Variants in RMND5A observed in about 807,000 individuals in gnomAD.
RMND5A encodes required for meiotic nuclear division 5 homolog A.
RMND5A carries 17 observed loss-of-function variants against 49.7 expected under a neutral mutation model. The ratio of observed to expected loss-of-function variants is 0.34; its 90% confidence interval spans 0.23 to 0.51. The LOEUF (loss-of-function observed/expected upper bound fraction) is 0.51. RMND5A is among the 20% of genes least tolerant of loss of function. RMND5A has a pLI of 0.96. For missense variants in RMND5A, 255 were observed against 471.3 expected (o/e 0.54, Z 4.25); for synonymous variants, 156 against 167.7 (o/e 0.93, Z 0.54).
intron 2 of RMND5A, among the ~76,000 whole-genome samples, chr2:86,751,457 C>T (rs1308467389): frequency 1.3e-5 from 2 of 152,186 alleles, no homozygotes; most frequent in East Asian, 3.8e-4. Flanking sequence ...CCCACAACCA[C>T]TTTCAGCCTC....
intron 4 of RMND5A, among the ~76,000 whole-genome samples, chr2:86,762,767 A>G (rs1672525664): frequency 6.7e-6 from 1 of 148,456 alleles, no homozygotes; most frequent in African/African-American, 2.5e-5. Flanking sequence ...CAAGCTGAGC[A>G]CAATTGCTCA....
chr2:86,762,680 CAT>C (rs1208059599), intron 4 of RMND5A, among the ~76,000 whole-genome samples: 4 of 96,672 alleles, frequency 4.1e-5, no homozygotes, highest in Non-Finnish European at 5.9e-5. Flanking sequence ...ATATATATAT[CAT>C]ATATATATCA....
At chr2:86,732,410 TTTGTCTAGA>T (rs1681347179) in intron 1 of RMND5A, among the ~76,000 whole-genome samples, 1 of 148,950 alleles carries the variant, frequency 6.7e-6, no homozygotes, top group Non-Finnish European at 1.5e-5. Context: ...TAATGATATA[TTTGTCTAGA>T]TTGTATTAAG....
chr2:86,777,717 A>G lies in RMND5A; in HGVS notation c.*4306A>G, dbSNP rs1672792863. Reference sequence around the variant, plus strand: ...GGAAAATTTTGATCAATTTTTTAAGAAATGTATCCTGTTTGCAAAGGCACA... The same window carrying G: ...GGAAAATTTTGATCAATTTTTTAAGGAATGTATCCTGTTTGCAAAGGCACA... On this transcript the variant is annotated 3_prime_UTR_variant, in exon 9 of 9. Transcript: ENST00000283632. 6.6e-6 allele frequency: 1 copy of G among 152,226 alleles called. No individual in the cohort carries two copies. Among genetic ancestry groups the G allele is most frequent in the South Asian group, 2.1e-4 (1 of 4,832 alleles). 9.4% of individuals were successfully genotyped at this position (152,226 alleles called of 1,614,324 possible).
At chr2:86,747,141 A>G (rs1012650878) in intron 2 of RMND5A, among the ~76,000 whole-genome samples, 3 of 152,190 alleles carry the variant, frequency 2.0e-5, no homozygotes, top group African/African-American at 4.8e-5. Context: ...CCAAACACCT[A>G]TAACACTTCC....
intron 2 of RMND5A, among the ~76,000 whole-genome samples, chr2:86,743,540 C>T (rs1681486619): frequency 6.6e-6 from 1 of 152,008 alleles, no homozygotes; most frequent in Admixed American, 6.5e-5. Context: ...TCTCAGCTCA[C>T]TGCAAACTCT....
chr2:86,732,708 C>T (rs1681354257), intron 1 of RMND5A, among the ~76,000 whole-genome samples: 1 of 147,100 alleles, frequency 6.8e-6, no homozygotes, highest in African/African-American at 2.7e-5. Context: ...TGTTTCATTG[C>T]ATCTTTGACA....
At chr2:86,734,695 TC>T (rs1573430165) in intron 1 of RMND5A, among the ~76,000 whole-genome samples, 1 of 145,828 alleles carries the variant, frequency 6.9e-6, no homozygotes, top group Admixed American at 6.7e-5. Flanking sequence ...CCTCAAGTGA[TC>T]CGCCTGCCTC....
intron 8 of RMND5A, among the ~76,000 whole-genome samples, chr2:86,772,587 TAGTG>T (rs1453693060): frequency 4.0e-5 from 6 of 151,742 alleles, no homozygotes; most frequent in African/African-American, 1.2e-4. Context: ...TTATTTTAGT[TAGTG>T]AGCTCAGCTT....
At chr2:86,743,004 A>T (rs1281547561) in intron 2 of RMND5A, among the ~76,000 whole-genome samples, 1 of 152,178 alleles carries the variant, frequency 6.6e-6, no homozygotes, top group Non-Finnish European at 1.5e-5. Context: ...TAGGCTGACC[A>T]TATATGCCAT....
Position 86,720,305 on chromosome 2 carries a change from C to G in RMND5A, c.-363C>G, listed in dbSNP as rs1681168426. The G allele has an allele frequency of 6.6e-6, 1 of 152,398 alleles. No individual in the cohort carries two copies. The highest frequency in any genetic ancestry group is 2.4e-5 in the African/African-American group (1 of 41,372). The allele number at this position is 152,398 out of a possible 1,614,324, so 9.4% of individuals were successfully genotyped here. A position where few individuals can be genotyped will look rare whatever the true frequency, so the allele number is the denominator to read the frequency against. On this transcript the variant is annotated 5_prime_UTR_variant, in exon 1 of 9. Transcript: ENST00000283632. Reference sequence around the variant, plus strand: ...TGGCCATCCCCCTCCCCCCAGTCGGCGGCGCTTGGTGCCGCCCGGGAGAAC... The same window carrying G: ...TGGCCATCCCCCTCCCCCCAGTCGGGGGCGCTTGGTGCCGCCCGGGAGAAC...
Position 86,775,555 on chromosome 2 carries a change from C to T in RMND5A, c.*2144C>T, listed in dbSNP as rs1161141695. On this transcript the variant is annotated 3_prime_UTR_variant, in exon 9 of 9. Coordinates refer to ENST00000283632, the MANE Select transcript of RMND5A (RefSeq NM_022780.4). Reference sequence around the variant, plus strand: ...CCAGAGCTCAGCTTTATCCCTCTCCCAGTGCTGGGAGCCAAAAAACTGTTG... The same window carrying T: ...CCAGAGCTCAGCTTTATCCCTCTCCTAGTGCTGGGAGCCAAAAAACTGTTG... The T allele has an allele frequency of 6.6e-6, 1 of 151,968 alleles. No homozygotes were observed. Among genetic ancestry groups the T allele is most frequent in the Non-Finnish European group, 1.5e-5 (1 of 67,996 alleles). 9.4% of individuals were successfully genotyped at this position (151,968 alleles called of 1,614,324 possible). A position where few individuals can be genotyped will look rare whatever the true frequency, so the allele number is the denominator to read the frequency against.
chr2:86,744,839 C>T (rs185441451), intron 2 of RMND5A, among the ~76,000 whole-genome samples: 1 of 152,248 alleles, frequency 6.6e-6, no homozygotes, highest in Non-Finnish European at 1.5e-5. Flanking sequence ...CCTACATGCG[C>T]TTGCTACCAT....
chr2:86,754,849 C>G (rs1001512125), intron 4 of RMND5A, among the ~76,000 whole-genome samples: 3 of 152,170 alleles, frequency 2.0e-5, no homozygotes, highest in African/African-American at 7.2e-5. Context: ...ACTTGAGCCT[C>G]TGTACTTGGC....
intron 2 of RMND5A, among the ~76,000 whole-genome samples, chr2:86,743,364 CT>C (rs201954475): frequency 0.037 from 5,206 of 141,874 alleles, 273 homozygotes; most frequent in African/African-American, 0.12. Flanking sequence ...CTTTTGAGGA[CT>C]TTTTTTTTTT....
At chr2:86,764,073 C>T (rs1672551705) in intron 4 of RMND5A, among the ~76,000 whole-genome samples, 1 of 152,188 alleles carries the variant, frequency 6.6e-6, no homozygotes, top group Non-Finnish European at 1.5e-5. Context: ...AGTCCAATCT[C>T]AATCAGCAAA....
Position 86,749,934 on chromosome 2 carries a change from T to G in RMND5A, c.286-1962T>G, listed in dbSNP as rs1333775220. On this transcript the variant is annotated intron_variant, in intron 2 of 8. Transcript: ENST00000283632. ...GAGAAAAGCACTCCTGCATTGTGAT[T>G]GTAAATAGTGGGTTGTTTGCAGTTG... is the stretch of plus-strand genomic sequence containing the variant. Among the ~76,000 whole-genome samples the G allele has an allele frequency of 3.9e-5, 6 of 152,308 alleles. No homozygotes were observed. The East Asian group carries it at 9.6e-4, about 24-fold the overall frequency.
chr2:86,753,336 C>CT, intron 3 of RMND5A, 122 bp from the exon 4 acceptor site: 2 of 626,484 alleles, frequency 3.2e-6, no homozygotes, highest in South Asian at 4.3e-5. Flanking sequence ...TCATCAGTCT[C>CT]TACTATAGGG....
intron 1 of RMND5A, among the ~76,000 whole-genome samples, chr2:86,726,691 T>G (rs1367242686): frequency 1.3e-5 from 1 of 77,702 alleles, no homozygotes; most frequent in African/African-American, 4.9e-5. Context: ...CCAGACGTAC[T>G]CTGGAGATAA....
Sources: allele counts gnomAD v4.1 joint callset (sites outside exome capture counted in the v4.1 genomes callset), GRCh38; gene constraint gnomAD v4.1.1; transcripts MANE v1.5; gene names NCBI Gene and HGNC (gene_info 2026-07-23, HGNC 2026-07-21).